The following ADCY2 variants were observed in gnomAD, a reference collection of about 807,000 sequenced individuals.
ADCY2 encodes the protein adenylate cyclase 2.
ADCY2 carries 31 observed loss-of-function variants against 125.2 expected under a neutral mutation model. That is an observed-to-expected ratio of 0.25 (90% CI 0.19 to 0.33). The LOEUF (loss-of-function observed/expected upper bound fraction) is 0.33, where lower values mean the gene tolerates loss of function less well. Ranked by LOEUF, ADCY2 falls within the 10% of genes least tolerant of loss-of-function variation. The probability of loss-of-function intolerance (pLI) is 1.00; values close to 1 mark genes in which losing one functional copy is unlikely to be tolerated. For missense variants in ADCY2, 904 were observed against 1,418.2 expected (o/e 0.64, Z 5.82); for synonymous variants, 512 against 548.4 (o/e 0.93, Z 0.93).
chr5:7,402,843 T>C (rs1739315222), intron 1 of ADCY2, among the ~76,000 whole-genome samples: 1 of 152,204 alleles, frequency 6.6e-6, no homozygotes, highest in African/African-American at 2.4e-5. Flanking sequence ...TTTCTCAAGG[T>C]GGTCATTATT....
intron 4 of ADCY2, among the ~76,000 whole-genome samples, chr5:7,670,768 T>G (rs1415016550): frequency 2.0e-5 from 3 of 152,208 alleles, no homozygotes; most frequent in Non-Finnish European, 4.4e-5. Context: ...ATAGCGTCCA[T>G]GCTTCTGTGA....
intron 22 of ADCY2, among the ~76,000 whole-genome samples, chr5:7,808,709 A>T (rs918049955): frequency 6.6e-6 from 1 of 151,960 alleles, no homozygotes; most frequent in African/African-American, 2.4e-5. Context: ...CTGCCCCTCC[A>T]CCAGCCCCCA....
chr5:7,645,382 G>T (rs1360838796), intron 4 of ADCY2, among the ~76,000 whole-genome samples: 1 of 152,106 alleles, frequency 6.6e-6, no homozygotes, highest in Non-Finnish European at 1.5e-5. Flanking sequence ...CACCTTCAAA[G>T]TCCTTGGAAA....
intron 7 of ADCY2, among the ~76,000 whole-genome samples, chr5:7,699,398 G>A (rs1205545239): frequency 6.6e-6 from 1 of 151,958 alleles, no homozygotes; most frequent in African/African-American, 2.4e-5. Context: ...CGCCCGGCCA[G>A]TAAGCATTTT....
At chr5:7,441,969 AG>A (rs1741032679) in intron 2 of ADCY2, among the ~76,000 whole-genome samples, 4 of 152,204 alleles carry the variant, frequency 2.6e-5, no homozygotes, top group Admixed American at 2.6e-4. Flanking sequence ...CAATTACATA[AG>A]TGAATCCCTT....
intron 4 of ADCY2, among the ~76,000 whole-genome samples, chr5:7,664,058 C>T (rs1339588522): frequency 1.3e-5 from 2 of 152,170 alleles, no homozygotes; most frequent in African/African-American, 4.8e-5. Flanking sequence ...CCAGGTTTAG[C>T]ATGACAAAAC....
At chr5:7,698,906 A>G (rs1740982541) in intron 7 of ADCY2, among the ~76,000 whole-genome samples, 1 of 152,024 alleles carries the variant, frequency 6.6e-6, no homozygotes, top group South Asian at 2.1e-4. Context: ...TATACCCAGT[A>G]ATGGGACTGC....
At chr5:7,561,336 A>G (rs1735701745) in intron 3 of ADCY2, among the ~76,000 whole-genome samples, 1 of 152,216 alleles carries the variant, frequency 6.6e-6, no homozygotes, top group African/African-American at 2.4e-5. Context: ...CCTGCTACAC[A>G]CCTAGGCTGT....
chr5:7,719,621 G>C (rs1240649180), intron 12 of ADCY2, among the ~76,000 whole-genome samples: 4 of 152,196 alleles, frequency 2.6e-5, no homozygotes, highest in Non-Finnish European at 5.9e-5. Flanking sequence ...AAAGACGACT[G>C]ATGTCACCAT....
chr5:7,701,988 C>A (rs1376734684), intron 7 of ADCY2, among the ~76,000 whole-genome samples: 1 of 152,176 alleles, frequency 6.6e-6, no homozygotes, highest in Admixed American at 6.5e-5. Flanking sequence ...CAACTTAATC[C>A]TCAAGTCAGG....
rs1227787698 is a variant in ADCY2 at position 7,828,322 on chromosome 5, T to G, written c.*1451T>G. 2.0e-5 allele frequency: 3 copies of G among 152,696 alleles called. No homozygotes were observed. Among genetic ancestry groups the G allele is most frequent in the Middle Eastern group, 3.4e-3 (1 of 294 alleles). The allele number at this position is 152,696 out of a possible 1,614,324, so 9.5% of individuals were successfully genotyped here. A position where few individuals can be genotyped will look rare whatever the true frequency, so the allele number is the denominator to read the frequency against. On this transcript the variant is annotated 3_prime_UTR_variant, in exon 25 of 25. Transcript: ENST00000338316. ...AACTCGAACTTGAAGCACAAGTTCC[T>G]GGTTTGAATCCTGGCTCTGATTTTT...
intron 16 of ADCY2, among the ~76,000 whole-genome samples, chr5:7,757,920 C>A (rs1743069366): frequency 6.6e-6 from 1 of 152,162 alleles, no homozygotes; most frequent in Non-Finnish European, 1.5e-5. Context: ...TGGGTGACTC[C>A]TTGGATCAGT....
intron 7 of ADCY2, among the ~76,000 whole-genome samples, chr5:7,703,384 C>A (rs1741154618): frequency 6.6e-6 from 1 of 152,170 alleles, no homozygotes; most frequent in South Asian, 2.1e-4. Flanking sequence ...TTTAATCCAT[C>A]TTGCATTAAT....
intron 17 of ADCY2, among the ~76,000 whole-genome samples, chr5:7,769,753 C>T (rs781454513): frequency 1.3e-5 from 2 of 152,106 alleles, no homozygotes; most frequent in Non-Finnish European, 1.5e-5. Context: ...TTGGGATTCT[C>T]GTTTTGCAAG....
intron 15 of ADCY2, among the ~76,000 whole-genome samples, chr5:7,748,832 C>G (rs1323946765): frequency 6.6e-6 from 1 of 152,142 alleles, no homozygotes; most frequent in East Asian, 1.9e-4. Context: ...CATTTATGGT[C>G]ACAAGGGCCC....
chr5:7,718,247 C>T (rs1185888891), intron 12 of ADCY2, among the ~76,000 whole-genome samples: 1 of 146,282 alleles, frequency 6.8e-6, no homozygotes, highest in African/African-American at 2.5e-5. Context: ...CTCCCGGGTT[C>T]ACGCCGTTCT....
chr5:7,740,617 C>T (rs891615326), intron 14 of ADCY2, among the ~76,000 whole-genome samples: 6 of 152,056 alleles, frequency 3.9e-5, no homozygotes, highest in African/African-American at 1.4e-4. Flanking sequence ...ATAGAGGCCA[C>T]AATCTCTGAT....
At chr5:7,772,339 C>T (rs754130563) in intron 17 of ADCY2, among the ~76,000 whole-genome samples, 19 of 152,176 alleles carry the variant, frequency 1.2e-4, no homozygotes, top group Non-Finnish European at 2.5e-4. Flanking sequence ...TTGGTTCGTC[C>T]GCTTTCTTCT....
At chr5:7,540,018 A>C (rs990785831) in intron 3 of ADCY2, among the ~76,000 whole-genome samples, 1 of 152,232 alleles carries the variant, frequency 6.6e-6, no homozygotes, top group Non-Finnish European at 1.5e-5. Context: ...TCTCTTGAAA[A>C]TATACTCCTC....
Sources: allele counts gnomAD v4.1 joint callset (sites outside exome capture counted in the v4.1 genomes callset), GRCh38; gene constraint gnomAD v4.1.1; transcripts MANE v1.5; gene names NCBI Gene and HGNC (gene_info 2026-07-23, HGNC 2026-07-21).